EXOC1: variants seen among roughly 807,000 people sequenced by gnomAD.
EXOC1 encodes SEC3-like 1.
In EXOC1, 67 loss-of-function variants were observed where a neutral mutation model predicts 107.7. The observed-to-expected ratio is 0.62, with a 90% CI of 0.51 to 0.76. EXOC1 has a LOEUF of 0.76. Ranked by LOEUF, EXOC1 falls within the 30% of genes least tolerant of loss-of-function variation. The pLI is 0.00. For synonymous variants in EXOC1, 348 were observed against 353.5 expected (o/e 0.98, Z 0.17); for missense variants, 833 against 1,055.7 (o/e 0.79, Z 2.92).
At chr4:55,875,126 G>T (rs1722771741) in intron 8 of EXOC1, among the ~76,000 whole-genome samples, 1 of 152,142 alleles carries the variant, frequency 6.6e-6, no homozygotes, top group Non-Finnish European at 1.5e-5. Flanking sequence ...AACTGAAGTT[G>T]TGGAACTTTT....
chr4:55,872,803 G>C, intron 8 of EXOC1: 1 of 977,400 alleles, frequency 1.0e-6, no homozygotes, highest in Non-Finnish European at 1.2e-6. Flanking sequence ...CTTTCTTTCG[G>C]TTCCTGTGAG....
At chr4:55,863,833 A>G (rs1158254411) in intron 3 of EXOC1, among the ~76,000 whole-genome samples, 2 of 152,232 alleles carry the variant, frequency 1.3e-5, no homozygotes, top group Non-Finnish European at 1.5e-5. Context: ...AGTTTCAAAT[A>G]GTAGTACATT....
At chr4:55,855,070 A>G (rs1022468436) in intron 1 of EXOC1, among the ~76,000 whole-genome samples, 4 of 152,214 alleles carry the variant, frequency 2.6e-5, no homozygotes, top group Non-Finnish European at 4.4e-5. Flanking sequence ...TTACATGGAA[A>G]GTACCAAAGT....
At chr4:55,886,379 C>T (rs1723875510) in intron 10 of EXOC1, among the ~76,000 whole-genome samples, 1 of 151,318 alleles carries the variant, frequency 6.6e-6, no homozygotes, top group African/African-American at 2.4e-5. Context: ...ATGGCAAAAC[C>T]CCATATATAC....
intron 16 of EXOC1, among the ~76,000 whole-genome samples, chr4:55,898,295 G>A (rs756392033): frequency 3.3e-5 from 5 of 152,154 alleles, no homozygotes; most frequent in South Asian, 2.1e-4. Flanking sequence ...TTCATTATTC[G>A]TTCTTTATAA....
intron 18 of EXOC1, 108 bp downstream of exon 18, chr4:55,902,646 A>AT: frequency 1.2e-6 from 1 of 819,264 alleles, no homozygotes; most frequent in Non-Finnish European, 1.7e-6. Context: ...GGAGAGTTCC[A>AT]TTAGAGTACA....
intron 1 of EXOC1, among the ~76,000 whole-genome samples, chr4:55,857,624 A>G (rs1322438478): frequency 2.0e-5 from 3 of 151,498 alleles, no homozygotes; most frequent in Non-Finnish European, 4.4e-5. Context: ...TTGTGTGGAC[A>G]TATGTTTTCA....
At position 55,858,395 on chromosome 4, in the gene EXOC1, G is replaced by GA. The variant is rs746591415; in HGVS notation, c.74dup (p.Asn25LysfsTer21). 2.5e-6 allele frequency: 4 copies of GA among 1,610,868 alleles called. No homozygotes were observed. The highest frequency in any genetic ancestry group is 3.4e-6 in the Non-Finnish European group (4 of 1,178,620). ...ATGATGAACGCCTGCTGAGCATTGT[G>GA]AATGTCTGCAAAGCAGGAAAAAAGA... On this transcript the variant is annotated frameshift_variant, in exon 2 of 19. Coordinates refer to ENST00000381295, the MANE Select transcript of EXOC1 (RefSeq NM_001024924.2). LOFTEE classifies it high-confidence loss of function.
At chr4:55,898,551 A>G (rs1725519492) in intron 16 of EXOC1, among the ~76,000 whole-genome samples, 1 of 152,208 alleles carries the variant, frequency 6.6e-6, no homozygotes, top group Non-Finnish European at 1.5e-5. Context: ...CAGCGAATAG[A>G]ATTTTCAAAT....
rs756182423 is a variant in EXOC1, at chr4:55,902,332, A to G, written c.2338-12A>G. The G allele has an allele frequency of 9.2e-6, 13 of 1,415,000 alleles. No homozygotes were observed. Among genetic ancestry groups the G allele is most frequent in the Non-Finnish European group, 1.1e-5 (12 of 1,081,278 alleles). 87.7% of individuals were successfully genotyped at this position (1,415,000 alleles called of 1,614,324 possible). A position where few individuals can be genotyped will look rare whatever the true frequency, so the allele number is the denominator to read the frequency against. ...CAGGTCTTAGCCATTGTTTCTTTTC[A>G]TTTCCTTGAAGCATTTCTTTGAAGG... On this transcript the variant is annotated splice_polypyrimidine_tract_variant and intron_variant, in intron 17 of 18. Transcript: ENST00000381295.
Position 55,867,984 on chromosome 4 carries a change from C to T in EXOC1, c.416-352C>T, listed in dbSNP as rs532602127. On this transcript the variant is annotated intron_variant, in intron 4 of 18. Transcript: ENST00000381295. The stretch of plus-strand genomic sequence containing the variant: ...GTCATTGTTTTGTTAGAGCAACAGC[C>T]ACATCAGGTACGAAAAAATGTTTAG... Among the ~76,000 whole-genome samples, 8 of 152,222 alleles carry T rather than the reference C, an allele frequency of 5.3e-5. No individual in the cohort carries two copies. In the South Asian group the frequency reaches 1.7e-3, roughly 32 times the overall value.
chr4:55,903,448 T>A (rs1726239975), intron 18 of EXOC1, among the ~76,000 whole-genome samples: 1 of 152,090 alleles, frequency 6.6e-6, no homozygotes, highest in Non-Finnish European at 1.5e-5. Flanking sequence ...GGAGTAGCAT[T>A]CTAGAAAGAA....
intron 17 of EXOC1, chr4:55,902,111 A>T: frequency 3.3e-6 from 1 of 303,010 alleles, no homozygotes; most frequent in Non-Finnish European, 6.0e-6. Flanking sequence ...AAAGTGGGAC[A>T]TGAAATTTTA....
At chr4:55,863,529 C>T (rs570926052) in intron 3 of EXOC1, among the ~76,000 whole-genome samples, 202 of 152,194 alleles carry the variant, frequency 1.3e-3, no homozygotes, top group African/African-American at 4.7e-3. Context: ...GGAGGATTGC[C>T]TGAGCCCAGG....
At chr4:55,876,791 A>T in intron 8 of EXOC1, 1 of 984,330 alleles carries the variant, frequency 1.0e-6, no homozygotes, top group Non-Finnish European at 1.2e-6. Context: ...TTTTATATGT[A>T]ATTTCTGTAT....
Position 55,903,158 on chromosome 4 carries a change from AAAAAAAGAAAGAAAGAAAG to A in EXOC1, c.2532+626_2532+644del, listed in dbSNP as rs1161248581. ...GGCCGTGTCTCAATTAAAAAAAAAA[AAAAAAAGAAAGAAAGAAAG>A]AAAAAGAAAGAAAGAGAAAGAAAGA... On this transcript the variant is annotated intron_variant, in intron 18 of 18. Transcript: ENST00000381295. Among the ~76,000 whole-genome samples, 182 of 145,612 alleles carry A rather than the reference AAAAAAAGAAAGAAAGAAAG, an allele frequency of 1.2e-3. 1 individual carries two copies. The highest frequency in any genetic ancestry group is 4.4e-3 in the African/African-American group (176 of 40,338).
intron 10 of EXOC1, among the ~76,000 whole-genome samples, chr4:55,887,014 GA>G (rs1396561652): frequency 6.6e-6 from 1 of 152,028 alleles, no homozygotes; most frequent in African/African-American, 2.4e-5. Flanking sequence ...GATTTATTTT[GA>G]TATTTTCAAA....
chr4:55,883,069 G>C lies in EXOC1; in HGVS notation c.1225-754G>C, dbSNP rs554846423. The C allele has an allele frequency of 3.9e-5, 6 of 152,114 alleles. No homozygotes were observed. The South Asian group carries it at 1.2e-3, about 31-fold the overall frequency. The allele number at this position is 152,114 out of a possible 1,614,324, so 9.4% of individuals were successfully genotyped here. ...TTTGTATGCCAAAGGATACAAAAAT[G>C]TTTTTATTTAAGCGAGAATTAATCA... On this transcript the variant is annotated intron_variant, in intron 9 of 18. Transcript: ENST00000381295.
Position 55,899,751 on chromosome 4 carries a change from A to G in EXOC1, c.2204A>G (p.His735Arg), listed in dbSNP as rs1725678362. Residue 735 changes from histidine to arginine, a missense_variant, in exon 17 of 19, where the codon CAT (histidine) becomes CGT (arginine). Coordinates refer to ENST00000381295, the MANE Select transcript of EXOC1 (RefSeq NM_001024924.2). ...RDVVMMENFH[H>R]IFATLSRLKI... ...GTGGTTATGATGGAAAACTTTCACCATATTTTTGCAACTCTTTCTCGATTG... is the reference window on the plus strand; with the variant it reads ...GTGGTTATGATGGAAAACTTTCACCGTATTTTTGCAACTCTTTCTCGATTG... 6.2e-7 allele frequency: 1 copy of G among 1,613,860 alleles called. No individual in the cohort carries two copies. Among genetic ancestry groups the G allele is most frequent in the Non-Finnish European group, 8.5e-7 (1 of 1,179,832 alleles).
Sources: gnomAD v4.1 joint callset for allele counts (sites outside exome capture counted in the v4.1 genomes callset) on GRCh38, gnomAD v4.1.1 for gene constraint, MANE v1.5 for transcripts, NCBI Gene and HGNC (gene_info 2026-07-23, HGNC 2026-07-21) for gene names.